The following HNF4A variants were observed in gnomAD, a reference collection of about 807,000 sequenced individuals.
The protein encoded by HNF4A is hepatocyte nuclear factor 4 alpha.
Under a neutral mutation model 52.4 loss-of-function variants are expected in HNF4A, and 15 were observed. That is an observed-to-expected ratio of 0.29 (90% CI 0.19 to 0.44). The LOEUF is 0.44. Among genes scored for constraint, HNF4A ranks in the 20% least tolerant of loss-of-function variants. The probability of loss-of-function intolerance (pLI) is 1.00; values close to 1 mark genes in which losing one functional copy is unlikely to be tolerated. For synonymous variants in HNF4A, 280 were observed against 264.4 expected, an observed-to-expected ratio of 1.06 and a Z score of -0.57; for missense variants, 479 against 647.2, an observed-to-expected ratio of 0.74 and a Z score of 2.82.
intron 5 of HNF4A, among the ~76,000 whole-genome samples, chr20:44,416,404 A>C (rs1332897622): frequency 6.6e-6 from 1 of 152,264 alleles, no homozygotes; most frequent in African/African-American, 2.4e-5. Context: ...ATTTGCCTGA[A>C]GTCACAGAGC....
chr20:44,395,173 G>T (rs1344660173), intron 1 of HNF4A, among the ~76,000 whole-genome samples: 1 of 152,202 alleles, frequency 6.6e-6, no homozygotes, highest in South Asian at 2.1e-4. Context: ...ACCCACCACC[G>T]CTGCGTGGAC....
At chr20:44,369,072 CCT>C (rs35214540) in intron 1 of HNF4A, among the ~76,000 whole-genome samples, 59,615 of 150,780 alleles carry the variant, frequency 0.4, 11,971 homozygotes, top group Middle Eastern at 0.46. Context: ...ATGGTGAAAC[CCT>C]GTCTCTACTA....
Position 44,414,602 on chromosome 20 carries a change from G to C in HNF4A, c.588G>C (p.Leu196=). The stretch of plus-strand genomic sequence containing the variant: ...GTGAGTCCATGAAGGAGCAGCTGCT[G>C]GTTCTCGTTGAGTGGGCCAAGTACA... Residue 196 remains leucine, a synonymous_variant, in exon 5 of 10, where the codon CTG becomes CTC. Transcript: ENST00000316099. The C allele has an allele frequency of 6.2e-7, 1 of 1,614,142 alleles. No homozygotes were observed. The highest frequency in any genetic ancestry group is 8.5e-7 in the Non-Finnish European group (1 of 1,179,996).
At chr20:44,419,922 C>A in intron 7 of HNF4A, 46 bp downstream of exon 7, 1 of 1,592,712 alleles carries the variant, frequency 6.3e-7, no homozygotes, top group Non-Finnish European at 8.6e-7. Flanking sequence ...CTCTCCAGAA[C>A]GCTCTGCCAG....
In HNF4A at chr20:44,418,442, C is replaced by T. The variant is rs766035524; in HGVS notation, c.666C>T (p.Ala222=). 2 of 1,613,990 alleles carry T rather than the reference C, an allele frequency of 1.2e-6. No individual in the cohort carries two copies. The highest frequency in any genetic ancestry group is 1.1e-5 in the South Asian group (1 of 91,082). The change falls in exon 6 of 10, where the codon GCC becomes GCT. Residue 222 remains alanine (A), a synonymous_variant. Transcript: ENST00000316099. ...TCTTTCAGGTGGCCCTGCTCAGAGC[C>T]CATGCTGGCGAGCACCTGCTGCTCG...
intron 8 of HNF4A, chr20:44,424,490 T>C (rs1194680601): frequency 3.0e-6 from 3 of 998,162 alleles, no homozygotes; most frequent in Non-Finnish European, 4.6e-6. Flanking sequence ...GTGCTGGCAA[T>C]TCAGCAAAGA....
chr20:44,433,948 C>T (rs936250110), downstream of HNF4A: 2 of 152,190 alleles, frequency 1.3e-5, no homozygotes, highest in Non-Finnish European at 2.9e-5. Context: ...GGAGTGTTTA[C>T]ACCACAAGGA....
Position 44,418,641 on chromosome 20 carries a change from CAGGCTTGCATTAG to C in HNF4A, c.736+133_736+145del, listed in dbSNP as rs2063700447. ...GACTAGTCAGGAGTGGCCCTGTCCT[CAGGCTTGCATTAG>C]AGGGCTCCAGGACTCAGTTTTCAAC... On this transcript the variant is annotated intron_variant, in intron 6 of 9. Transcript: ENST00000316099. 1.1e-5 allele frequency: 8 copies of C among 717,886 alleles called. No homozygotes were observed. The South Asian group carries it at 1.3e-4, about 12-fold the overall frequency. The allele number at this position is 717,886 out of a possible 1,614,324, so 44.5% of individuals were successfully genotyped here. A position where few individuals can be genotyped will look rare whatever the true frequency, so the allele number is the denominator to read the frequency against.
intron 1 of HNF4A, among the ~76,000 whole-genome samples, chr20:44,385,153 C>T (rs2146270871): frequency 7.1e-6 from 1 of 140,746 alleles, no homozygotes; most frequent in South Asian, 2.4e-4. Flanking sequence ...GTTCTGTCAC[C>T]ACTTGCTATC....
intron 1 of HNF4A, among the ~76,000 whole-genome samples, chr20:44,359,715 C>T (rs2062896712): frequency 6.6e-6 from 1 of 152,144 alleles, no homozygotes; most frequent in Non-Finnish European, 1.5e-5. Context: ...CATCTCTTCC[C>T]ATCAGTTTTG....
In HNF4A at chr20:44,406,240, G is replaced by A; in HGVS notation, c.290+8G>A. The A allele has an allele frequency of 6.2e-7, 1 of 1,612,322 alleles. No individual in the cohort carries two copies. Among genetic ancestry groups the A allele is most frequent in the Non-Finnish European group, 8.5e-7 (1 of 1,179,550 alleles). ...CCACATGTACTCCTGCAGGTGAGGA[G>A]CCTCAATTTCTTCAGCTGGGAAATG... On this transcript the variant is annotated splice_region_variant and intron_variant, in intron 2 of 9. Coordinates refer to ENST00000316099, the MANE Select transcript of HNF4A (RefSeq NM_000457.6).
At chr20:44,434,196 C>G (rs1308507240), downstream of HNF4A, 2 of 152,170 alleles carry the variant, frequency 1.3e-5, no homozygotes, top group Admixed American at 1.3e-4. Flanking sequence ...GCAGGTCACT[C>G]CACCACTCCG....
Position 44,378,804 on chromosome 20 carries a change from A to G in HNF4A, c.49+22951A>G, listed in dbSNP as rs1022707292. ...CGTGGTGGTGCGTGCCTGTAATCCC[A>G]GGTACTCAGGAGGCTGAGGCAGGAG... On this transcript the variant is annotated intron_variant, in intron 1 of 9. Transcript: ENST00000316673. Among the ~76,000 whole-genome samples, 19 of 151,878 alleles carry G rather than the reference A, an allele frequency of 1.3e-4. No homozygotes were observed. The South Asian group carries it at 1.5e-3, about 12-fold the overall frequency.
At chr20:44,383,390 G>C (rs967486187) in intron 1 of HNF4A, among the ~76,000 whole-genome samples, 2 of 152,046 alleles carry the variant, frequency 1.3e-5, no homozygotes, top group Non-Finnish European at 2.9e-5. Context: ...ACTTGTCCAG[G>C]GTCACACAGC....
chr20:44,423,547 A>G (rs951517353), intron 7 of HNF4A, among the ~76,000 whole-genome samples: 1 of 152,188 alleles, frequency 6.6e-6, no homozygotes, highest in Non-Finnish European at 1.5e-5. Context: ...AGCAGGAACC[A>G]GGGAAGGGGA....
intron 1 of HNF4A, among the ~76,000 whole-genome samples, chr20:44,394,598 C>T (rs897797180): frequency 1.8e-4 from 27 of 152,202 alleles, no homozygotes; most frequent in African/African-American, 6.5e-4. Flanking sequence ...TTGGAAAGCT[C>T]TCCCCCAGCT....
At chr20:44,409,754 CTA>C (rs1303292250) in intron 3 of HNF4A, among the ~76,000 whole-genome samples, 3 of 152,132 alleles carry the variant, frequency 2.0e-5, no homozygotes, top group African/African-American at 7.2e-5. Flanking sequence ...CCCTTCAGCC[CTA>C]TGAGTCTCGC....
chr20:44,413,967 A>C (rs533762023), intron 4 of HNF4A, among the ~76,000 whole-genome samples, 167 bp downstream of exon 4: 1 of 152,294 alleles, frequency 6.6e-6, no homozygotes, highest in Admixed American at 6.5e-5. Flanking sequence ...AGTTTGCAGC[A>C]AGGGCAGGAA....
intron 8 of HNF4A, 112 bp from the exon 9 acceptor site, chr20:44,428,223 C>T: frequency 9.4e-7 from 1 of 1,067,480 alleles, no homozygotes; most frequent in Non-Finnish European, 1.5e-6. Context: ...CCAACAGGCA[C>T]TGCCAATATT....
Sources: gnomAD v4.1 joint callset for allele counts (sites outside exome capture counted in the v4.1 genomes callset) on GRCh38, gnomAD v4.1.1 for gene constraint, MANE v1.5 for transcripts, NCBI Gene and HGNC (gene_info 2026-07-23, HGNC 2026-07-21) for gene names.